SGCD: variants seen among roughly 807,000 people sequenced by gnomAD.
SGCD encodes delta-sarcoglycan.
A neutral mutation model predicts 36.6 loss-of-function variants in SGCD; 18 were observed. That is an observed-to-expected ratio of 0.49 (90% CI 0.34 to 0.73). The LOEUF (loss-of-function observed/expected upper bound fraction) is 0.73. Ranked by LOEUF, SGCD falls within the 30% of genes least tolerant of loss-of-function variation. SGCD has a pLI of 0.01. For missense variants in SGCD, 387 were observed against 346.7 expected, an observed-to-expected ratio of 1.12 and a Z score of -0.92; for synonymous variants, 133 against 130.6, an observed-to-expected ratio of 1.02 and a Z score of -0.12.
At chr5:155,842,730 A>T in the SGCD span, among the ~76,000 whole-genome samples, 1 of 152,252 alleles carries the variant, frequency 6.6e-6, no homozygotes. Flanking sequence ...GCACAGCATC[A>T]CAAAAAGTTC....
chr5:156,041,476 G>A (rs1759632476), intron 1 of SGCD, among the ~76,000 whole-genome samples: 2 of 152,186 alleles, frequency 1.3e-5, no homozygotes, highest in Admixed American at 6.6e-5. Context: ...AGAGATGGTG[G>A]AGAGGAGGGC....
chr5:156,276,764 A>G (rs1041097897), intron 3 of SGCD, among the ~76,000 whole-genome samples: 3 of 152,216 alleles, frequency 2.0e-5, no homozygotes, highest in Admixed American at 2.0e-4. Context: ...TAAAGTGTGT[A>G]ATAAAATATG....
intron 7 of SGCD, among the ~76,000 whole-genome samples, chr5:156,727,317 G>T (rs984074510): frequency 6.6e-6 from 1 of 152,120 alleles, no homozygotes; most frequent in Non-Finnish European, 1.5e-5. Flanking sequence ...TGATAACAAG[G>T]GTAGCAGGGG....
At chr5:156,509,003 G>A (rs1249077307) in intron 4 of SGCD, among the ~76,000 whole-genome samples, 1 of 152,144 alleles carries the variant, frequency 6.6e-6, no homozygotes, top group African/African-American at 2.4e-5. Context: ...ATATATGAAT[G>A]CAGATAATAT....
At chr5:155,826,441 C>G in the SGCD span, among the ~76,000 whole-genome samples, 1 of 152,238 alleles carries the variant, frequency 6.6e-6, no homozygotes, top group African/African-American at 2.4e-5. Flanking sequence ...CTGATGGAGT[C>G]TGACCCTTCT....
At chr5:156,002,431 T>C (rs559793934) in intron 1 of SGCD, among the ~76,000 whole-genome samples, 1 of 152,332 alleles carries the variant, frequency 6.6e-6, no homozygotes, top group African/African-American at 2.4e-5. Flanking sequence ...ATGACAGTCC[T>C]CGCCAAGTAA....
chr5:156,409,918 C>T (rs773851606), intron 3 of SGCD, among the ~76,000 whole-genome samples: 15 of 152,056 alleles, frequency 9.9e-5, no homozygotes, highest in Non-Finnish European at 1.6e-4. Flanking sequence ...CATCCAATAC[C>T]ACAGAAACCC....
chr5:156,643,092 G>T (rs1400983478), intron 6 of SGCD, among the ~76,000 whole-genome samples: 1 of 150,490 alleles, frequency 6.6e-6, no homozygotes, highest in Non-Finnish European at 1.5e-5. Flanking sequence ...GAGTGCAAAG[G>T]TGTGATCTTG....
In SGCD at chr5:156,759,585, T is replaced by C. The variant is rs1044317114; in HGVS notation, c.*195T>C. On this transcript the variant is annotated 3_prime_UTR_variant, in exon 9 of 9. Transcript: ENST00000337851. The stretch of plus-strand genomic sequence containing the variant: ...ATATATAAATATATATAAATAAATA[T>C]ATATATCCTCTGTATAAAATGAGGT... 5.2e-5 allele frequency: 9 copies of C among 171,434 alleles called. No individual in the cohort carries two copies. Among genetic ancestry groups the C allele is most frequent in the Non-Finnish European group, 1.1e-4 (9 of 83,122 alleles). 10.6% of individuals were successfully genotyped at this position (171,434 alleles called of 1,614,324 possible).
the SGCD span, among the ~76,000 whole-genome samples, chr5:155,786,851 C>T: frequency 6.6e-6 from 1 of 152,126 alleles, no homozygotes; most frequent in Admixed American, 6.6e-5. Flanking sequence ...AAGAGACATC[C>T]CAGAAATTGC....
the SGCD span, among the ~76,000 whole-genome samples, chr5:155,805,869 C>A: frequency 6.6e-6 from 1 of 152,166 alleles, no homozygotes; most frequent in Non-Finnish European, 1.5e-5. Flanking sequence ...GTTTTGCAAG[C>A]AAACCTGAAG....
the SGCD span, among the ~76,000 whole-genome samples, chr5:155,796,812 A>C: frequency 1.2e-5 from 1 of 83,444 alleles, no homozygotes; most frequent in Non-Finnish European, 2.8e-5. Context: ...ATCTCAAAAA[A>C]AAAAAAAAAA....
intron 1 of SGCD, among the ~76,000 whole-genome samples, chr5:155,967,036 C>T (rs960321623): frequency 2.0e-5 from 3 of 151,648 alleles, no homozygotes; most frequent in African/African-American, 7.3e-5. Context: ...TGTCCATCTC[C>T]TCCTTTATTG....
At chr5:155,778,345 A>G in the SGCD span, among the ~76,000 whole-genome samples, 425 of 152,290 alleles carry the variant, frequency 2.8e-3, 4 homozygotes, top group African/African-American at 9.6e-3. Context: ...TTACACTTAA[A>G]TTGTTTCCTA....
At chr5:156,086,712 A>G (rs552007466) in intron 1 of SGCD, among the ~76,000 whole-genome samples, 1 of 152,302 alleles carries the variant, frequency 6.6e-6, no homozygotes, top group South Asian at 2.1e-4. Context: ...ATTCAATTAG[A>G]TAAGGGAAAC....
At chr5:156,742,123 G>A (rs200809108) in intron 7 of SGCD, among the ~76,000 whole-genome samples, 16 of 152,200 alleles carry the variant, frequency 1.1e-4, no homozygotes, top group Admixed American at 6.5e-4. Flanking sequence ...TGATCCACCC[G>A]CCTCGGCCTC....
intron 1 of SGCD, among the ~76,000 whole-genome samples, chr5:155,934,117 T>A (rs1346569153): frequency 6.6e-6 from 1 of 152,214 alleles, no homozygotes; most frequent in African/African-American, 2.4e-5. Flanking sequence ...CACACCTTGA[T>A]TGACAATCCT....
chr5:156,597,825 AC>A (rs1760992658), intron 6 of SGCD, among the ~76,000 whole-genome samples: 1 of 152,154 alleles, frequency 6.6e-6, no homozygotes, highest in African/African-American at 2.4e-5. Context: ...TTATATTTAC[AC>A]CTCAGAAACA....
intron 7 of SGCD, among the ~76,000 whole-genome samples, chr5:156,692,599 C>A (rs768008229): frequency 2.6e-5 from 4 of 152,156 alleles, no homozygotes; most frequent in Non-Finnish European, 5.9e-5. Flanking sequence ...TTTCATTTTT[C>A]CATCTCTATA....
Sources: allele counts gnomAD v4.1 joint callset (sites outside exome capture counted in the v4.1 genomes callset), GRCh38; gene constraint gnomAD v4.1.1; transcripts MANE v1.5; gene names NCBI Gene and HGNC (gene_info 2026-07-23, HGNC 2026-07-21).